The following TRDN variants were observed in gnomAD, a reference collection of about 807,000 sequenced individuals.
TRDN encodes triadin.
TRDN carries 161 observed loss-of-function variants against 149.7 expected under a neutral mutation model. The ratio of observed to expected loss-of-function variants is 1.08; its 90% CI spans 0.95 to 1.23. The LOEUF (loss-of-function observed/expected upper bound fraction) is 1.23, where lower values mean the gene tolerates loss of function less well. TRDN is among the 50% of genes most tolerant of loss of function. TRDN has a pLI of 0.00. For missense variants in TRDN, 896 were observed against 823.5 expected (o/e 1.09, Z -1.08); for synonymous variants, 294 against 250.5 (o/e 1.17, Z -1.64).
At chr6:123,590,808 G>A (rs549941673) in intron 1 of TRDN, among the ~76,000 whole-genome samples, 23 of 152,140 alleles carry the variant, frequency 1.5e-4, no homozygotes, top group African/African-American at 3.9e-4. Flanking sequence ...TAAAGTGCAC[G>A]ATAAATATAA....
chr6:123,249,275 C>CA lies in TRDN; in HGVS notation c.1975+3136dup, dbSNP rs79375593. The stretch of plus-strand genomic sequence containing the variant: ...GTCAGAATGGCTATTATTAAAAAGT[C>CA]AAAAAAAATATGTTGACGAGGATGT... On this transcript the variant is annotated intron_variant, in intron 38 of 40. Transcript: ENST00000334268. Among the ~76,000 whole-genome samples, 1,499 of 151,188 alleles carry CA rather than the reference C, an allele frequency of 9.9e-3. 25 individuals are homozygous for CA. Among genetic ancestry groups the CA allele is most frequent in the African/African-American group, 0.034 (1,418 of 41,258 alleles).
intron 33 of TRDN, 78 bp from the exon 34 acceptor site, chr6:123,260,716 AG>A: frequency 8.6e-7 from 1 of 1,167,738 alleles, no homozygotes; most frequent in Non-Finnish European, 1.2e-6. Flanking sequence ...TTTATTCAGT[AG>A]CAAACAATTG....
In TRDN at chr6:123,232,655, T is replaced by C. The variant is rs563975355; in HGVS notation, c.1976-8524A>G. On this transcript the variant is annotated intron_variant, in intron 38 of 40. Transcript: ENST00000334268. ...GATGGAATCAAAAAGGAATACAGAA[T>C]GTAAATCTTAGGAGAAGCAATGCTT... Among the ~76,000 whole-genome samples the C allele has an allele frequency of 5.3e-5, 8 of 151,994 alleles. No homozygotes were observed. In the East Asian group the frequency reaches 1.6e-3, roughly 30 times the overall value.
intron 21 of TRDN, among the ~76,000 whole-genome samples, chr6:123,347,220 T>C (rs570911208): frequency 2.0e-5 from 3 of 152,150 alleles, no homozygotes; most frequent in East Asian, 3.9e-4. Flanking sequence ...ATTTGCAAAA[T>C]TTTGCTAAGA....
At chr6:123,431,387 T>G (rs1414096753) in intron 12 of TRDN, among the ~76,000 whole-genome samples, 1 of 152,202 alleles carries the variant, frequency 6.6e-6, no homozygotes, top group East Asian at 1.9e-4. Flanking sequence ...CAAAAGTGTA[T>G]GAATTATCTA....
At chr6:123,499,130 A>C (rs77917263) in intron 8 of TRDN, among the ~76,000 whole-genome samples, 1 of 152,204 alleles carries the variant, frequency 6.6e-6, no homozygotes, top group Non-Finnish European at 1.5e-5. Context: ...GAGGCACTAT[A>C]GACTCCCATG....
chr6:123,237,780 A>C (rs569568914), intron 38 of TRDN, among the ~76,000 whole-genome samples: 161 of 152,248 alleles, frequency 1.1e-3, no homozygotes, highest in African/African-American at 3.8e-3. Flanking sequence ...GAAAACGATA[A>C]ATTCCTGTGC....
intron 1 of TRDN, among the ~76,000 whole-genome samples, chr6:123,614,304 A>C (rs897216731): frequency 3.8e-4 from 56 of 146,678 alleles, no homozygotes; most frequent in South Asian, 1.1e-3. Context: ...AAAAAACAAA[A>C]AAAAAAAAAA....
intron 10 of TRDN, among the ~76,000 whole-genome samples, chr6:123,455,510 A>G (rs896049268): frequency 4.6e-5 from 7 of 151,912 alleles, no homozygotes; most frequent in African/African-American, 1.5e-4. Context: ...GAGATGCTAT[A>G]TTTTATTTTT....
chr6:123,398,419 C>T (rs937282948), intron 12 of TRDN, among the ~76,000 whole-genome samples: 1 of 152,192 alleles, frequency 6.6e-6, no homozygotes, highest in South Asian at 2.1e-4. Context: ...TTTGACCCAG[C>T]ATTATAAAAC....
At chr6:123,357,843 G>A (rs892744667) in intron 20 of TRDN, among the ~76,000 whole-genome samples, 1 of 152,168 alleles carries the variant, frequency 6.6e-6, no homozygotes, top group South Asian at 2.1e-4. Flanking sequence ...ATAATTTCTG[G>A]CACACATATT....
intron 14 of TRDN, 135 bp downstream of exon 14, chr6:123,388,387 T>C: frequency 1.0e-6 from 1 of 992,316 alleles, no homozygotes; most frequent in Non-Finnish European, 1.5e-6. Flanking sequence ...AAAAAGCACA[T>C]TCATGCAAAA....
chr6:123,294,274 T>C (rs1778113347), intron 24 of TRDN, among the ~76,000 whole-genome samples: 1 of 152,194 alleles, frequency 6.6e-6, no homozygotes, highest in African/African-American at 2.4e-5. Context: ...CAGCTATATC[T>C]GGCCAACTAT....
intron 1 of TRDN, among the ~76,000 whole-genome samples, chr6:123,616,785 T>A (rs541083871): frequency 6.6e-6 from 1 of 152,308 alleles, no homozygotes; most frequent in East Asian, 1.9e-4. Context: ...CTTTTATTTT[T>A]ACAACAAATT....
intron 7 of TRDN, among the ~76,000 whole-genome samples, chr6:123,504,131 T>C (rs904844608): frequency 7.2e-5 from 11 of 151,944 alleles, no homozygotes; most frequent in African/African-American, 2.7e-4. Flanking sequence ...CTATATTAGA[T>C]AGACTACTAA....
At chr6:123,288,173 A>G (rs144664048) in intron 24 of TRDN, among the ~76,000 whole-genome samples, 1 of 152,266 alleles carries the variant, frequency 6.6e-6, no homozygotes, top group East Asian at 1.9e-4. Context: ...CAGTGCCAGG[A>G]AAACTGGATA....
chr6:123,351,202 A>T, intron 21 of TRDN: 1 of 983,508 alleles, frequency 1.0e-6, no homozygotes, highest in Non-Finnish European at 1.2e-6. Context: ...GTTGAAATTG[A>T]TTTTATAAGA....
intron 23 of TRDN, among the ~76,000 whole-genome samples, chr6:123,327,515 A>AT (rs575502008): frequency 2.6e-5 from 4 of 152,110 alleles, no homozygotes; most frequent in East Asian, 1.9e-4. Context: ...GGATTTCAAA[A>AT]TTTTTTTCAT....
chr6:123,327,044 G>A (rs561363665), intron 23 of TRDN, among the ~76,000 whole-genome samples: 16 of 152,090 alleles, frequency 1.1e-4, no homozygotes, highest in African/African-American at 3.9e-4. Context: ...TTGTCTTCTA[G>A]CATCAAGTCT....
Sources: gnomAD v4.1 joint callset for allele counts (sites outside exome capture counted in the v4.1 genomes callset) on GRCh38, gnomAD v4.1.1 for gene constraint, MANE v1.5 for transcripts, NCBI Gene and HGNC (gene_info 2026-07-23, HGNC 2026-07-21) for gene names.